TLN2: variants seen among roughly 807,000 people sequenced by gnomAD.
The protein encoded by TLN2 is talin 2.
A neutral mutation model predicts 294.7 loss-of-function variants in TLN2; 118 were observed. The observed-to-expected ratio is 0.40, with a 90% CI of 0.34 to 0.47. The LOEUF (loss-of-function observed/expected upper bound fraction) is 0.47. Among genes scored for constraint, TLN2 ranks in the 20% least tolerant of loss-of-function variants. The probability of loss-of-function intolerance (pLI) is 0.84; values close to 1 mark genes in which losing one functional copy is unlikely to be tolerated. For missense variants in TLN2, 3,083 were observed against 3,282.2 expected (o/e 0.94, Z 1.48); for synonymous variants, 1,431 against 1,304.5 (o/e 1.10, Z -2.09).
intron 1 of TLN2, among the ~76,000 whole-genome samples, chr15:62,477,323 C>T (rs2037832244): frequency 1.3e-5 from 2 of 152,174 alleles, no homozygotes; most frequent in Admixed American, 1.3e-4. Context: ...AGGCTGTAAG[C>T]TTTTTGATGA....
rs540358897 is a variant in TLN2, at chr15:62,619,918, A to C, written c.-37+1443A>C. Among the ~76,000 whole-genome samples the C allele has an allele frequency of 4.6e-5, 7 of 152,304 alleles. No homozygotes were observed. In the East Asian group the frequency reaches 1.4e-3, roughly 29 times the overall value. ...TGTAACAACCAGCCCAAAATGGCAG[A>C]GATTGAAGGTCTATCTCCCATTGAC... On this transcript the variant is annotated intron_variant, in intron 3 of 58. Coordinates refer to ENST00000636159, the MANE Select transcript of TLN2 (RefSeq NM_015059.3).
intron 7 of TLN2, among the ~76,000 whole-genome samples, chr15:62,654,698 T>C (rs1403934729): frequency 7.8e-6 from 1 of 128,150 alleles, no homozygotes; most frequent in Admixed American, 1.1e-4. Flanking sequence ...GAGGTTGCAG[T>C]GAACTGAGAT....
chr15:62,719,710 T>C, intron 24 of TLN2, 57 bp from the exon 25 acceptor site: 2 of 1,411,894 alleles, frequency 1.4e-6, no homozygotes, highest in Non-Finnish European at 9.5e-7. Context: ...TGGTCTAGCT[T>C]CTTTGGATGG....
intron 43 of TLN2, among the ~76,000 whole-genome samples, chr15:62,777,150 G>T (rs188792208): frequency 3.9e-5 from 6 of 152,292 alleles, no homozygotes; most frequent in Admixed American, 3.9e-4. Flanking sequence ...ACATGGAAAA[G>T]ATATCATAGG....
chr15:62,523,608 G>C (rs1387789764), intron 1 of TLN2, among the ~76,000 whole-genome samples: 1 of 152,188 alleles, frequency 6.6e-6, no homozygotes, highest in Non-Finnish European at 1.5e-5. Flanking sequence ...GCGTAAGTGG[G>C]AGAATTTATC....
intron 9 of TLN2, among the ~76,000 whole-genome samples, chr15:62,662,917 G>A (rs375109130): frequency 2.3e-5 from 3 of 131,920 alleles, no homozygotes; most frequent in East Asian, 2.6e-4. Context: ...TCTGCCTCCC[G>A]GGTTCACTCC....
intron 1 of TLN2, among the ~76,000 whole-genome samples, chr15:62,405,936 C>T (rs1239677801): frequency 6.6e-6 from 1 of 152,222 alleles, no homozygotes; most frequent in African/African-American, 2.4e-5. Context: ...CCTTGTCGGG[C>T]TGAGCTGGCT....
intron 3 of TLN2, chr15:62,640,292 T>A: frequency 2.2e-6 from 1 of 455,996 alleles, no homozygotes; most frequent in Non-Finnish European, 4.4e-6. Context: ...CACAGATGAA[T>A]TATAGCAAGT....
At chr15:62,394,362 CA>C (rs1421158966) in intron 1 of TLN2, among the ~76,000 whole-genome samples, 1 of 151,964 alleles carries the variant, frequency 6.6e-6, no homozygotes, top group African/African-American at 2.4e-5. Flanking sequence ...AGGAAGTACT[CA>C]AAAAGAGCTA....
chr15:62,413,704 C>T (rs1207525662), intron 1 of TLN2, among the ~76,000 whole-genome samples: 2 of 152,092 alleles, frequency 1.3e-5, no homozygotes, highest in African/African-American at 2.4e-5. Context: ...AACTTTACAG[C>T]GATTCTTGTA....
chr15:62,696,426 G>T (rs1028831468), intron 14 of TLN2, among the ~76,000 whole-genome samples: 9 of 152,190 alleles, frequency 5.9e-5, no homozygotes, highest in African/African-American at 1.7e-4. Context: ...CAATTTTTTG[G>T]CTGGGCACTG....
chr15:62,539,217 T>C (rs1392415351), intron 1 of TLN2, among the ~76,000 whole-genome samples: 1 of 152,250 alleles, frequency 6.6e-6, no homozygotes, highest in East Asian at 1.9e-4. Flanking sequence ...AATTGAGGCG[T>C]GCTTTCTTGG....
chr15:62,487,913 TAAATA>T (rs1555416045), intron 1 of TLN2, among the ~76,000 whole-genome samples: 1 of 149,354 alleles, frequency 6.7e-6, no homozygotes, highest in Non-Finnish European at 1.5e-5. Context: ...AAAAAATAAA[TAAATA>T]AATAAATAAA....
intron 1 of TLN2, among the ~76,000 whole-genome samples, chr15:62,485,966 G>A (rs538703317): frequency 5.3e-5 from 8 of 151,560 alleles, no homozygotes; most frequent in Admixed American, 1.3e-4. Context: ...TGTTTTGAGC[G>A]TGTTGTTTTA....
intron 1 of TLN2, among the ~76,000 whole-genome samples, chr15:62,404,891 C>G (rs2033294762): frequency 6.6e-6 from 1 of 152,194 alleles, no homozygotes; most frequent in African/African-American, 2.4e-5. Flanking sequence ...GGCACAGCCA[C>G]AAAGCAGTTA....
At position 62,805,689 on chromosome 15, in the gene TLN2, A is replaced by G. The variant is rs111685676; in HGVS notation, c.6567A>G (p.Lys2189=). ...AAGGCATCACCATGGCAACAGCCAAAGCCGTGGCAGCTGGGAACTCATGTA... is the reference window on the plus strand; with the variant it reads ...AAGGCATCACCATGGCAACAGCCAAGGCCGTGGCAGCTGGGAACTCATGTA... ...MTKGITMATA[K]AVAAGNSCRQ... Residue 2189 remains lysine, a synonymous_variant, in exon 51 of 59, where the codon AAA becomes AAG. Transcript: ENST00000636159. 95 of 1,614,238 alleles carry G rather than the reference A, an allele frequency of 5.9e-5. No homozygotes were observed. In the African/African-American group the frequency reaches 1.1e-3, roughly 19 times the overall value.
At chr15:62,653,583 T>C (rs374274235) in intron 7 of TLN2, among the ~76,000 whole-genome samples, 14 of 152,106 alleles carry the variant, frequency 9.2e-5, no homozygotes, top group African/African-American at 3.4e-4. Context: ...AAAAATTAGC[T>C]GGGCTTGCTG....
intron 3 of TLN2, among the ~76,000 whole-genome samples, chr15:62,632,612 C>G (rs546637491): frequency 3.9e-5 from 6 of 152,316 alleles, no homozygotes; most frequent in African/African-American, 1.4e-4. Flanking sequence ...AAATGCAAGA[C>G]CAGCCTTATT....
intron 11 of TLN2, 69 bp downstream of exon 11, chr15:62,675,390 T>C: frequency 2.6e-6 from 4 of 1,525,480 alleles, no homozygotes; most frequent in Non-Finnish European, 3.6e-6. Context: ...AAGCGTTTGC[T>C]GTTAAGCCTG....
Sources: allele counts gnomAD v4.1 joint callset (sites outside exome capture counted in the v4.1 genomes callset), GRCh38; gene constraint gnomAD v4.1.1; transcripts MANE v1.5; gene names NCBI Gene and HGNC (gene_info 2026-07-23, HGNC 2026-07-21).